SORCS2: variants seen among roughly 807,000 people sequenced by gnomAD.
The protein encoded by SORCS2 is VPS10 domain-containing receptor SorCS2.
A neutral mutation model predicts 141.6 loss-of-function variants in SORCS2; 100 were observed. The ratio of observed to expected loss-of-function variants is 0.71; its 90% confidence interval spans 0.60 to 0.83. SORCS2 has a LOEUF of 0.83. Ranked by LOEUF, SORCS2 falls within the 40% of genes least tolerant of loss-of-function variation. The probability of loss-of-function intolerance (pLI) is 0.00; values close to 1 mark genes in which losing one functional copy is unlikely to be tolerated. For missense variants in SORCS2, 1,646 were observed against 1,560.2 expected, an observed-to-expected ratio of 1.05 and a Z score of -0.93; for synonymous variants, 789 against 676.9, an observed-to-expected ratio of 1.17 and a Z score of -2.57.
intron 1 of SORCS2, among the ~76,000 whole-genome samples, chr4:7,266,285 T>A (rs1036728068): frequency 3.3e-5 from 5 of 152,128 alleles, no homozygotes; most frequent in Admixed American, 6.5e-5. Flanking sequence ...TCCGTGGAAG[T>A]TGGGAGAAGA....
chr4:7,516,380 C>T (rs1732980086), intron 2 of SORCS2, among the ~76,000 whole-genome samples: 1 of 152,148 alleles, frequency 6.6e-6, no homozygotes. Context: ...CCCATCTGGC[C>T]TGTTGTTAGG....
At chr4:7,274,956 G>A (rs1240326874) in intron 1 of SORCS2, among the ~76,000 whole-genome samples, 1 of 152,208 alleles carries the variant, frequency 6.6e-6, no homozygotes, top group Non-Finnish European at 1.5e-5. Flanking sequence ...CACGCGCTCT[G>A]TGGGGTTGTC....
chr4:7,266,223 G>C (rs1714718209), intron 1 of SORCS2, among the ~76,000 whole-genome samples: 1 of 152,212 alleles, frequency 6.6e-6, no homozygotes, highest in South Asian at 2.1e-4. Context: ...GTGCAGGCCA[G>C]CGGGTGGCCT....
chr4:7,715,404 C>T, intron 17 of SORCS2, 93 bp downstream of exon 17: 1 of 1,538,068 alleles, frequency 6.5e-7, no homozygotes, highest in Non-Finnish European at 8.8e-7. Context: ...GTGCCTGCAG[C>T]TCCCAACTCC....
In SORCS2 at chr4:7,367,110, C is replaced by G. The variant is rs113667228; in HGVS notation, c.481-29178C>G. On this transcript the variant is annotated intron_variant, in intron 1 of 26. Transcript: ENST00000507866. ...GTACAAGATCCCCAAAGGGGAGCCC[C>G]GTGATGTGGCCCCAGCAATGACATT... Among the ~76,000 whole-genome samples, 1,281 of 152,260 alleles carry G rather than the reference C, an allele frequency of 8.4e-3. 14 individuals carry two copies. Among genetic ancestry groups the G allele is most frequent in the Non-Finnish European group, 0.014 (929 of 68,038 alleles).
rs543961076 is a variant in SORCS2, at chr4:7,662,786, GGGTTGTTTATACCACAGAAATTGGCA to G, written c.952+1223_952+1248del. On this transcript the variant is annotated intron_variant, in intron 6 of 26. Transcript: ENST00000507866. Reference sequence around the variant, plus strand: ...TAGGTGGCTCCTGCATGGCCATGTGGGGTTGTTTATACCACAGAAATTGGCAAGCACTATCATCAGGGCTACTATAC... The same window carrying G: ...TAGGTGGCTCCTGCATGGCCATGTGGAGCACTATCATCAGGGCTACTATAC... Among the ~76,000 whole-genome samples, 693 of 152,290 alleles carry G rather than the reference GGGTTGTTTATACCACAGAAATTGGCA, an allele frequency of 4.6e-3. 3 individuals carry two copies. The highest frequency in any genetic ancestry group is 5.5e-3 in the Non-Finnish European group (375 of 68,034).
At chr4:7,735,075 C>G (rs1163108468) in intron 25 of SORCS2, among the ~76,000 whole-genome samples, 3 of 152,220 alleles carry the variant, frequency 2.0e-5, no homozygotes. Flanking sequence ...ACTTGAAGTT[C>G]CCTGGACGCT....
intron 1 of SORCS2, among the ~76,000 whole-genome samples, chr4:7,266,748 C>T (rs1489477237): frequency 6.6e-6 from 1 of 152,210 alleles, no homozygotes; most frequent in Non-Finnish European, 1.5e-5. Context: ...GGAACGCTGC[C>T]TCTCACTCTG....
At chr4:7,345,357 CTGTT>C (rs879480281) in intron 1 of SORCS2, among the ~76,000 whole-genome samples, 13 of 152,216 alleles carry the variant, frequency 8.5e-5, no homozygotes, top group Admixed American at 2.0e-4. Context: ...CTTAACTTGT[CTGTT>C]TGTTTAGAAT....
intron 1 of SORCS2, among the ~76,000 whole-genome samples, chr4:7,263,843 CTGGT>C (rs1714532487): frequency 2.0e-5 from 3 of 152,240 alleles, no homozygotes; most frequent in Non-Finnish European, 2.9e-5. Flanking sequence ...GACGTGGACA[CTGGT>C]TCATCCACGG....
intron 1 of SORCS2, among the ~76,000 whole-genome samples, chr4:7,214,269 G>A (rs1728203799): frequency 6.6e-6 from 1 of 152,188 alleles, no homozygotes; most frequent in African/African-American, 2.4e-5. Context: ...TGAGCTCTCT[G>A]CCCTGGGGAA....
intron 1 of SORCS2, among the ~76,000 whole-genome samples, chr4:7,194,435 G>A (rs970719876): frequency 2.0e-5 from 3 of 152,192 alleles, no homozygotes; most frequent in African/African-American, 7.2e-5. Context: ...TTGGGGCAGG[G>A]GTAGGGGCAG....
At chr4:7,669,974 T>G (rs1168447681) in intron 8 of SORCS2, among the ~76,000 whole-genome samples, 3 of 152,256 alleles carry the variant, frequency 2.0e-5, no homozygotes, top group Admixed American at 6.5e-5. Flanking sequence ...TTGGGTTGTT[T>G]CCATTTTTTT....
chr4:7,259,215 G>A (rs1714142755), intron 1 of SORCS2, among the ~76,000 whole-genome samples: 1 of 152,092 alleles, frequency 6.6e-6, no homozygotes, highest in Non-Finnish European at 1.5e-5. Context: ...GCAGAGCCTG[G>A]CTGACACAGA....
chr4:7,571,414 G>C (rs964522012), intron 3 of SORCS2, among the ~76,000 whole-genome samples: 1 of 152,184 alleles, frequency 6.6e-6, no homozygotes, highest in Non-Finnish European at 1.5e-5. Flanking sequence ...GGATGGGTTG[G>C]GGACGGGAAA....
chr4:7,608,281 C>T (rs1388423486), intron 3 of SORCS2, among the ~76,000 whole-genome samples: 1 of 152,182 alleles, frequency 6.6e-6, no homozygotes, highest in Non-Finnish European at 1.5e-5. Context: ...ATTGCCACTC[C>T]TCAGAGAAGG....
intron 5 of SORCS2, among the ~76,000 whole-genome samples, chr4:7,658,638 G>A (rs116789667): frequency 2.0e-5 from 3 of 152,350 alleles, no homozygotes; most frequent in African/African-American, 7.2e-5. Context: ...GACTACAGGG[G>A]AGTCCCAGCT....
At chr4:7,359,507 G>C (rs977678838) in intron 1 of SORCS2, among the ~76,000 whole-genome samples, 1 of 152,162 alleles carries the variant, frequency 6.6e-6, no homozygotes, top group Non-Finnish European at 1.5e-5. Flanking sequence ...AATTGACTTT[G>C]TGTAAGCAGA....
intron 1 of SORCS2, among the ~76,000 whole-genome samples, chr4:7,252,390 G>A (rs1713566452): frequency 6.6e-6 from 1 of 152,198 alleles, no homozygotes. Context: ...GCAGTGCATG[G>A]GTTTAGAGCA....
Sources: gnomAD v4.1 joint callset for allele counts (sites outside exome capture counted in the v4.1 genomes callset) on GRCh38, gnomAD v4.1.1 for gene constraint, MANE v1.5 for transcripts, NCBI Gene and HGNC (gene_info 2026-07-23, HGNC 2026-07-21) for gene names.